Variants in MARCHF11 observed in about 807,000 individuals in gnomAD.
MARCHF11 encodes the protein membrane associated ring-CH-type finger 11.
A neutral mutation model predicts 37.3 loss-of-function variants in MARCHF11; 29 were observed. That is an observed-to-expected ratio of 0.78 (90% CI 0.58 to 1.06). MARCHF11 has a LOEUF of 1.06. Ranked by LOEUF, MARCHF11 falls within the 50% of genes least tolerant of loss-of-function variation. The pLI, the probability that MARCHF11 is intolerant of heterozygous loss-of-function variation, is 0.00. For missense variants in MARCHF11, 482 were observed against 533.4 expected, an observed-to-expected ratio of 0.90 and a Z score of 0.95; for synonymous variants, 233 against 228.0, an observed-to-expected ratio of 1.02 and a Z score of -0.20.
chr5:16,162,225 T>C (rs1208097998), intron 2 of MARCHF11, among the ~76,000 whole-genome samples: 1 of 151,996 alleles, frequency 6.6e-6, no homozygotes, highest in African/African-American at 2.4e-5. Flanking sequence ...TGAATGTCTA[T>C]CTGATTGTAC....
chr5:16,165,414 T>C (rs1012773761), intron 2 of MARCHF11, among the ~76,000 whole-genome samples: 2 of 152,126 alleles, frequency 1.3e-5, no homozygotes, highest in African/African-American at 2.4e-5. Context: ...TACATTACTA[T>C]TGACTAAGCT....
chr5:16,122,169 T>C (rs575245408), intron 2 of MARCHF11, among the ~76,000 whole-genome samples: 4 of 152,262 alleles, frequency 2.6e-5, no homozygotes, highest in Admixed American at 2.6e-4. Context: ...AATCACCCAA[T>C]GCCTTATTCA....
At chr5:16,165,446 G>A (rs1253153505) in intron 2 of MARCHF11, among the ~76,000 whole-genome samples, 1 of 151,990 alleles carries the variant, frequency 6.6e-6, no homozygotes, top group Non-Finnish European at 1.5e-5. Flanking sequence ...TCTGTCTCAT[G>A]ACCTTTTTCT....
chr5:16,081,677 G>T (rs1275511546), intron 3 of MARCHF11, among the ~76,000 whole-genome samples: 1 of 152,180 alleles, frequency 6.6e-6, no homozygotes, highest in East Asian at 1.9e-4. Flanking sequence ...CAGTGAAAGA[G>T]ACAACTGACA....
intron 2 of MARCHF11, among the ~76,000 whole-genome samples, chr5:16,174,189 A>C (rs927534343): frequency 2.0e-5 from 3 of 152,220 alleles, no homozygotes; most frequent in Non-Finnish European, 2.9e-5. Context: ...CATTTCACTA[A>C]TTTTAGGTCA....
chr5:16,121,220 A>G (rs1471971962), intron 2 of MARCHF11, among the ~76,000 whole-genome samples: 1 of 152,202 alleles, frequency 6.6e-6, no homozygotes, highest in Admixed American at 6.5e-5. Context: ...TTCATTATAC[A>G]GAAGTACAAA....
At chr5:16,113,944 C>A (rs1386364967) in intron 2 of MARCHF11, among the ~76,000 whole-genome samples, 1 of 152,062 alleles carries the variant, frequency 6.6e-6, no homozygotes, top group Admixed American at 6.5e-5. Context: ...CTTTTCAACT[C>A]CCTCCCCACC....
At chr5:16,130,309 C>A (rs1428439400) in intron 2 of MARCHF11, among the ~76,000 whole-genome samples, 1 of 151,550 alleles carries the variant, frequency 6.6e-6, no homozygotes, top group African/African-American at 2.4e-5. Flanking sequence ...TTTTTGTTAA[C>A]CTTTACTCTG....
intron 2 of MARCHF11, among the ~76,000 whole-genome samples, chr5:16,172,415 T>A (rs889397164): frequency 1.3e-5 from 2 of 152,164 alleles, no homozygotes; most frequent in African/African-American, 4.8e-5. Flanking sequence ...GTTTTTTAGT[T>A]ATTCAGCCAC....
intron 2 of MARCHF11, among the ~76,000 whole-genome samples, chr5:16,151,369 A>G (rs1371322950): frequency 1.3e-5 from 2 of 151,982 alleles, no homozygotes; most frequent in Non-Finnish European, 2.9e-5. Flanking sequence ...GCACAATTAC[A>G]TCCTTAGCAT....
intron 2 of MARCHF11, among the ~76,000 whole-genome samples, chr5:16,164,196 T>C (rs2126606136): frequency 6.6e-6 from 1 of 152,098 alleles, no homozygotes; most frequent in South Asian, 2.1e-4. Flanking sequence ...TAATGGTCAA[T>C]CCCTCAGGAA....
intron 3 of MARCHF11, among the ~76,000 whole-genome samples, chr5:16,082,045 C>T (rs1005918768): frequency 2.0e-5 from 3 of 151,896 alleles, no homozygotes; most frequent in African/African-American, 7.3e-5. Context: ...ATAATTTGTA[C>T]CTCCAGAGAA....
At chr5:16,091,320 T>C (rs1736788255) in intron 2 of MARCHF11, among the ~76,000 whole-genome samples, 1 of 152,228 alleles carries the variant, frequency 6.6e-6, no homozygotes, top group Admixed American at 6.5e-5. Context: ...TAATCTAGTT[T>C]GATTCCAGAT....
intron 2 of MARCHF11, among the ~76,000 whole-genome samples, chr5:16,106,712 A>C (rs1737046593): frequency 6.6e-6 from 1 of 152,162 alleles, no homozygotes; most frequent in Admixed American, 6.5e-5. Flanking sequence ...TCATTACTGG[A>C]GAAGGTGCCA....
At chr5:16,163,708 T>C (rs996440781) in intron 2 of MARCHF11, among the ~76,000 whole-genome samples, 4 of 152,098 alleles carry the variant, frequency 2.6e-5, no homozygotes, top group African/African-American at 7.2e-5. Flanking sequence ...AGCTTGTTAT[T>C]AGAGTGCTAT....
chr5:16,079,854 C>T (rs1452882443), intron 3 of MARCHF11, among the ~76,000 whole-genome samples: 1 of 152,124 alleles, frequency 6.6e-6, no homozygotes, highest in Non-Finnish European at 1.5e-5. Flanking sequence ...GCCCACCTCC[C>T]CTCAGGACAC....
chr5:16,141,817 C>G (rs1175854053), intron 2 of MARCHF11, among the ~76,000 whole-genome samples: 1 of 152,180 alleles, frequency 6.6e-6, no homozygotes, highest in African/African-American at 2.4e-5. Context: ...CCCTGAGTCT[C>G]CAAAACATCT....
At chr5:16,129,610 T>C (rs1459254369) in intron 2 of MARCHF11, among the ~76,000 whole-genome samples, 1 of 152,200 alleles carries the variant, frequency 6.6e-6, no homozygotes, top group African/African-American at 2.4e-5. Context: ...GTAAATTATA[T>C]TTCAAACAAC....
rs538672511 is a variant in MARCHF11 at position 16,144,745 on chromosome 5, C to T, written c.693+32981G>A. On this transcript the variant is annotated intron_variant, in intron 2 of 3. Coordinates refer to ENST00000332432, the MANE Select transcript of MARCHF11 (RefSeq NM_001102562.3). Reference sequence around the variant, plus strand: ...GTACCAAAGTAAGTATATCACTTCACAGTGCAAACACTGTGATTAAAAAAT... The same window carrying T: ...GTACCAAAGTAAGTATATCACTTCATAGTGCAAACACTGTGATTAAAAAAT... Among the ~76,000 whole-genome samples, 38 of 152,300 alleles carry T rather than the reference C, an allele frequency of 2.5e-4. No individual in the cohort carries two copies. In the East Asian group the frequency reaches 6.6e-3, roughly 26 times the overall value.
Sources: gnomAD v4.1 joint callset for allele counts (sites outside exome capture counted in the v4.1 genomes callset) on GRCh38, gnomAD v4.1.1 for gene constraint, MANE v1.5 for transcripts, NCBI Gene and HGNC (gene_info 2026-07-23, HGNC 2026-07-21) for gene names.